Variants in SASS6 observed in about 807,000 individuals in gnomAD.
SASS6 encodes the protein spindle assembly abnormal protein 6 homolog.
In SASS6, 59 loss-of-function variants were observed where a neutral mutation model predicts 94.9. That is an observed-to-expected ratio of 0.62 (90% CI 0.50 to 0.77). The LOEUF is 0.77. SASS6 is among the 30% of genes least tolerant of loss of function. The probability of loss-of-function intolerance (pLI) is 0.00; values close to 1 mark genes in which losing one functional copy is unlikely to be tolerated. For missense variants in SASS6, 698 were observed against 734.1 expected, an observed-to-expected ratio of 0.95 and a Z score of 0.57; for synonymous variants, 264 against 270.0, an observed-to-expected ratio of 0.98 and a Z score of 0.22.
Position 100,083,687 on chromosome 1 carries a change from A to C in SASS6, c.*1641T>G, listed in dbSNP as rs550995752. 2.6e-4 allele frequency: 39 copies of C among 152,212 alleles called. No individual in the cohort carries two copies. Among genetic ancestry groups the C allele is most frequent in the Admixed American group, 2.3e-3 (35 of 15,282 alleles). The allele number at this position is 152,212 out of a possible 1,614,324, so 9.4% of individuals were successfully genotyped here. A position where few individuals can be genotyped will look rare whatever the true frequency, so the allele number is the denominator to read the frequency against. Reference sequence around the variant, plus strand: ...TTACACTGCAAAACAATTGCAACTAAAAGTTTAGGAGGTAAAGAATTAGCA... The same window carrying C: ...TTACACTGCAAAACAATTGCAACTACAAGTTTAGGAGGTAAAGAATTAGCA... On this transcript the variant is annotated 3_prime_UTR_variant, in exon 17 of 17. Coordinates refer to ENST00000287482, the MANE Select transcript of SASS6 (RefSeq NM_194292.3).
At chr1:100,131,372 G>T (rs1424845070) in intron 1 of SASS6, among the ~76,000 whole-genome samples, 1 of 151,730 alleles carries the variant, frequency 6.6e-6, no homozygotes, top group Non-Finnish European at 1.5e-5. Context: ...AAATTTTCTA[G>T]AAGTCACATT....
intron 3 of SASS6, 47 bp from the exon 4 acceptor site, chr1:100,122,531 T>C: frequency 1.3e-6 from 1 of 744,590 alleles, no homozygotes; most frequent in South Asian, 1.7e-5. Flanking sequence ...TTTAATTAAC[T>C]TTGTTTTGTT....
In SASS6 at chr1:100,126,580, C is replaced by A. The variant is rs369486561; in HGVS notation, c.66-638G>T. ...ATCACTTGAGGTCAAGAGTTGGAGA[C>A]CAGCCTGTTAACACGGCAAAACCTC... On this transcript the variant is annotated intron_variant, in intron 1 of 16. Coordinates refer to ENST00000287482, the MANE Select transcript of SASS6 (RefSeq NM_194292.3). Among the ~76,000 whole-genome samples the A allele has an allele frequency of 3.5e-4, 53 of 152,188 alleles. No individual in the cohort carries two copies. The South Asian group carries it at 6.4e-3, about 18-fold the overall frequency.
At chr1:100,120,776 C>A (rs564269792) in intron 5 of SASS6, among the ~76,000 whole-genome samples, 1 of 152,218 alleles carries the variant, frequency 6.6e-6, no homozygotes, top group South Asian at 2.1e-4. Context: ...TAGGGCCGGG[C>A]GCGGTGGCTC....
At chr1:100,088,833 T>C (rs1193769826) in intron 14 of SASS6, among the ~76,000 whole-genome samples, 17 of 138,844 alleles carry the variant, frequency 1.2e-4, no homozygotes, top group African/African-American at 4.4e-4. Context: ...AGACCCTGTC[T>C]ATAAAAAAAA....
intron 14 of SASS6, among the ~76,000 whole-genome samples, chr1:100,093,256 T>C (rs1651879834): frequency 1.4e-5 from 2 of 140,936 alleles, no homozygotes. Context: ...CACAGCTCAC[T>C]GCCACCTCCA....
At chr1:100,086,656 A>T (rs1261332841) in intron 15 of SASS6, among the ~76,000 whole-genome samples, 1 of 151,690 alleles carries the variant, frequency 6.6e-6, no homozygotes. Context: ...AACTACAAGC[A>T]TGTACCACCA....
intron 14 of SASS6, among the ~76,000 whole-genome samples, chr1:100,093,046 A>G (rs1351993359): frequency 2.6e-5 from 4 of 152,186 alleles, no homozygotes; most frequent in African/African-American, 7.2e-5. Context: ...AAGTGGTAAG[A>G]TATTAATTCT....
At chr1:100,089,794 T>C (rs1474827162) in intron 14 of SASS6, among the ~76,000 whole-genome samples, 1 of 151,824 alleles carries the variant, frequency 6.6e-6, no homozygotes, top group Non-Finnish European at 1.5e-5. Flanking sequence ...CAGATGAAAA[T>C]TTAGATCTAC....
intron 1 of SASS6, among the ~76,000 whole-genome samples, chr1:100,129,296 A>C (rs901703616): frequency 2.0e-5 from 3 of 152,078 alleles, no homozygotes; most frequent in Non-Finnish European, 1.5e-5. Context: ...CAAAACAAAA[A>C]AAACCATGGT....
At chr1:100,094,525 T>C (rs532806302) in intron 14 of SASS6, among the ~76,000 whole-genome samples, 14 of 152,170 alleles carry the variant, frequency 9.2e-5, no homozygotes, top group Non-Finnish European at 1.9e-4. Context: ...GCCAATATGC[T>C]TTATGAACAT....
intron 15 of SASS6, 47 bp downstream of exon 15, chr1:100,088,092 G>T (rs1651432097): frequency 2.1e-6 from 2 of 964,214 alleles, no homozygotes; most frequent in East Asian, 2.4e-5. Flanking sequence ...TCTGTAAGAT[G>T]GCCTTCAAAA....
intron 14 of SASS6, among the ~76,000 whole-genome samples, chr1:100,094,536 G>A (rs1651977374): frequency 6.6e-6 from 1 of 152,062 alleles, no homozygotes; most frequent in South Asian, 2.1e-4. Flanking sequence ...TTATGAACAT[G>A]GACACAAAAT....
At chr1:100,096,204 C>T (rs1248651707) in intron 14 of SASS6, among the ~76,000 whole-genome samples, 5 of 152,118 alleles carry the variant, frequency 3.3e-5, no homozygotes, top group Non-Finnish European at 7.4e-5. Flanking sequence ...GCATAAAAAT[C>T]AATGAAACAG....
At chr1:100,125,037 G>A (rs537104665) in intron 2 of SASS6, among the ~76,000 whole-genome samples, 1 of 152,162 alleles carries the variant, frequency 6.6e-6, no homozygotes, top group Non-Finnish European at 1.5e-5. Flanking sequence ...GGGGGTTGGG[G>A]ACCCCTCCTC....
intron 9 of SASS6, 26 bp from the exon 10 acceptor site, chr1:100,107,743 T>C: frequency 6.4e-7 from 1 of 1,554,780 alleles, no homozygotes; most frequent in Non-Finnish European, 8.8e-7. Flanking sequence ...AAAACATGAA[T>C]AATTAGGGCA....
chr1:100,132,177 A>T (rs896964326), intron 1 of SASS6, among the ~76,000 whole-genome samples: 11 of 152,184 alleles, frequency 7.2e-5, no homozygotes, highest in African/African-American at 2.7e-4. Flanking sequence ...ACAAGGAGGC[A>T]ATATTTATTG....
chr1:100,094,581 TG>T (rs940259332), intron 14 of SASS6, among the ~76,000 whole-genome samples: 1 of 152,054 alleles, frequency 6.6e-6, no homozygotes, highest in African/African-American at 2.4e-5. Context: ...AGCTGGGTGT[TG>T]GGGCTCACAC....
At chr1:100,090,211 A>G (rs1474440455) in intron 14 of SASS6, among the ~76,000 whole-genome samples, 2 of 152,198 alleles carry the variant, frequency 1.3e-5, no homozygotes, top group Non-Finnish European at 2.9e-5. Context: ...AAATCATAAT[A>G]TGGTAAAACT....
Sources: allele counts gnomAD v4.1 joint callset (sites outside exome capture counted in the v4.1 genomes callset), GRCh38; gene constraint gnomAD v4.1.1; transcripts MANE v1.5; gene names NCBI Gene and HGNC (gene_info 2026-07-23, HGNC 2026-07-21).